The following ADGRL3 variants were observed in gnomAD, a reference collection of about 807,000 sequenced individuals.
ADGRL3 encodes the protein adhesion G protein-coupled receptor L3, also known as calcium-independent alpha-latrotoxin receptor 3.
A neutral mutation model predicts 153.5 loss-of-function variants in ADGRL3; 62 were observed. That is an observed-to-expected ratio of 0.40 (90% CI 0.33 to 0.50). ADGRL3 has a LOEUF of 0.50. Among genes scored for constraint, ADGRL3 ranks in the 20% least tolerant of loss-of-function variants. The pLI, the probability that ADGRL3 is intolerant of heterozygous loss-of-function variation, is 0.47. For synonymous variants in ADGRL3, 710 were observed against 672.5 expected (o/e 1.06, Z -0.86); for missense variants, 1,641 against 1,859.4 (o/e 0.88, Z 2.16).
At chr4:61,355,067 CAG>C (rs1379178586) in intron 1 of ADGRL3, among the ~76,000 whole-genome samples, 1 of 152,050 alleles carries the variant, frequency 6.6e-6, no homozygotes, top group Non-Finnish European at 1.5e-5. Flanking sequence ...AAAATGGGAG[CAG>C]AGACTTCTTA....
intron 9 of ADGRL3, among the ~76,000 whole-genome samples, chr4:61,841,718 G>A (rs2098035249): frequency 6.6e-6 from 1 of 152,166 alleles, no homozygotes. Flanking sequence ...TACTTATCAT[G>A]AGAAAAAATA....
intron 9 of ADGRL3, among the ~76,000 whole-genome samples, chr4:61,825,264 T>C (rs920548069): frequency 3.3e-5 from 5 of 152,168 alleles, no homozygotes; most frequent in African/African-American, 9.7e-5. Flanking sequence ...GACAAAACCA[T>C]TGCCACAGTG....
At chr4:62,013,714 C>A (rs565574142) in intron 21 of ADGRL3, among the ~76,000 whole-genome samples, 1 of 151,662 alleles carries the variant, frequency 6.6e-6, no homozygotes, top group African/African-American at 2.4e-5. Context: ...GTGGTGAAAC[C>A]CTGTCTCTAC....
At chr4:61,528,309 C>T (rs528100589) in intron 4 of ADGRL3, among the ~76,000 whole-genome samples, 1 of 152,142 alleles carries the variant, frequency 6.6e-6, no homozygotes, top group East Asian at 1.9e-4. Context: ...TTCTCTGTGT[C>T]ACTTCCTCTG....
intron 4 of ADGRL3, among the ~76,000 whole-genome samples, chr4:61,575,421 G>A (rs745632547): frequency 6.6e-6 from 1 of 151,970 alleles, no homozygotes; most frequent in South Asian, 2.1e-4. Context: ...ACGGAGACAG[G>A]TGACCTATGG....
At chr4:61,576,958 G>C (rs889163131) in intron 4 of ADGRL3, among the ~76,000 whole-genome samples, 1 of 151,932 alleles carries the variant, frequency 6.6e-6, no homozygotes, top group African/African-American at 2.4e-5. Context: ...GATAATGGAT[G>C]TATAAATATT....
intron 9 of ADGRL3, among the ~76,000 whole-genome samples, chr4:61,872,206 G>A (rs931471940): frequency 2.6e-5 from 4 of 152,026 alleles, no homozygotes; most frequent in Non-Finnish European, 4.4e-5. Flanking sequence ...AGTGTGTGTC[G>A]GATGTGATGA....
At chr4:61,687,818 A>G (rs943153549) in intron 6 of ADGRL3, among the ~76,000 whole-genome samples, 1 of 152,026 alleles carries the variant, frequency 6.6e-6, no homozygotes, top group Non-Finnish European at 1.5e-5. Context: ...TCAAATAGAA[A>G]TTTTTTTACA....
intron 3 of ADGRL3, among the ~76,000 whole-genome samples, chr4:61,503,703 A>AT (rs2098407720): frequency 6.6e-6 from 1 of 152,050 alleles, no homozygotes; most frequent in Admixed American, 6.6e-5. Flanking sequence ...TAAAATTTCA[A>AT]TTTTAAGTAA....
At chr4:61,680,832 A>T (rs1273492011) in intron 6 of ADGRL3, among the ~76,000 whole-genome samples, 1 of 151,998 alleles carries the variant, frequency 6.6e-6, no homozygotes, top group Non-Finnish European at 1.5e-5. Context: ...GTTATATTTA[A>T]TCTTTTCTAA....
chr4:61,790,276 G>A (rs1028332539), intron 8 of ADGRL3, among the ~76,000 whole-genome samples: 1 of 151,978 alleles, frequency 6.6e-6, no homozygotes, highest in Non-Finnish European at 1.5e-5. Context: ...TTTAAACAAA[G>A]TTCTAAACCA....
chr4:61,720,237 C>G (rs926035740), intron 6 of ADGRL3, among the ~76,000 whole-genome samples: 3 of 151,700 alleles, frequency 2.0e-5, no homozygotes, highest in Admixed American at 6.6e-5. Flanking sequence ...CTACAGGCGC[C>G]CACCACCACG....
intron 21 of ADGRL3, among the ~76,000 whole-genome samples, chr4:62,016,388 A>G (rs1188914469): frequency 6.6e-6 from 1 of 152,126 alleles, no homozygotes; most frequent in African/African-American, 2.4e-5. Flanking sequence ...CAGTTTTACA[A>G]TTCGTGTTAC....
chr4:61,568,029 T>C (rs895768363), intron 4 of ADGRL3, among the ~76,000 whole-genome samples: 15 of 152,214 alleles, frequency 9.9e-5, no homozygotes, highest in Admixed American at 2.0e-4. Flanking sequence ...TAATTATTAA[T>C]TCATTTGTTG....
rs528868705 is a variant in ADGRL3, at chr4:61,761,245, G to C, written c.1399+27691G>C. Among the ~76,000 whole-genome samples the C allele has an allele frequency of 2.6e-5, 4 of 152,282 alleles. No homozygotes were observed. The South Asian group carries it at 8.3e-4, about 32-fold the overall frequency. On this transcript the variant is annotated intron_variant, in intron 8 of 26. Coordinates refer to ENST00000683033, the MANE Select transcript of ADGRL3 (RefSeq NM_001387552.1). The stretch of plus-strand genomic sequence containing the variant: ...GTGGCTAATTTGTTAGTCCTACAAA[G>C]GCAATCTAGTCTCCAGGCAAGAAGG...
intron 5 of ADGRL3, among the ~76,000 whole-genome samples, chr4:61,639,271 A>G (rs1345987971): frequency 2.0e-5 from 3 of 152,100 alleles, no homozygotes; most frequent in Non-Finnish European, 4.4e-5. Context: ...AAAGATCTAA[A>G]GTTTTTGAGG....
At chr4:61,590,566 G>T (rs2098965396) in intron 5 of ADGRL3, among the ~76,000 whole-genome samples, 1 of 152,090 alleles carries the variant, frequency 6.6e-6, no homozygotes, top group South Asian at 2.1e-4. Context: ...TACCATAACA[G>T]TTACTTTTGG....
At chr4:61,966,573 G>GTGTGT (rs1553896731) in intron 17 of ADGRL3, among the ~76,000 whole-genome samples, 1 of 145,938 alleles carries the variant, frequency 6.9e-6, no homozygotes, top group African/African-American at 2.5e-5. Context: ...TTTCAAAAGG[G>GTGTGT]GTGTGTGTGT....
chr4:61,695,871 G>A (rs73825926), intron 6 of ADGRL3, among the ~76,000 whole-genome samples: 2 of 152,088 alleles, frequency 1.3e-5, no homozygotes, highest in African/African-American at 4.8e-5. Context: ...GCTTCATTTT[G>A]TACTTTTATG....
Sources: gnomAD v4.1 joint callset for allele counts (sites outside exome capture counted in the v4.1 genomes callset) on GRCh38, gnomAD v4.1.1 for gene constraint, MANE v1.5 for transcripts, NCBI Gene and HGNC (gene_info 2026-07-23, HGNC 2026-07-21) for gene names.